RAPGEF2: variants seen among roughly 807,000 people sequenced by gnomAD.
RAPGEF2 encodes PDZ domain containing guanine nucleotide exchange factor (GEF) 1.
In RAPGEF2, 54 loss-of-function variants were observed where a neutral mutation model predicts 186.7. The observed-to-expected ratio is 0.29, with a 90% CI of 0.23 to 0.36. RAPGEF2 has a LOEUF of 0.36. RAPGEF2 is among the 10% of genes least tolerant of loss of function. RAPGEF2 has a pLI of 1.00. For synonymous variants in RAPGEF2, 712 were observed against 705.9 expected, an observed-to-expected ratio of 1.01 and a Z score of -0.14; for missense variants, 1,532 against 2,045.0, an observed-to-expected ratio of 0.75 and a Z score of 4.84.
chr4:159,336,958 C>T (rs930026685), intron 17 of RAPGEF2, among the ~76,000 whole-genome samples: 6 of 152,066 alleles, frequency 3.9e-5, no homozygotes, highest in African/African-American at 1.2e-4. Context: ...TTCTTGCGAC[C>T]CCAGTTATTT....
intron 19 of RAPGEF2, among the ~76,000 whole-genome samples, chr4:159,340,627 C>G (rs183042338): frequency 8.8e-5 from 13 of 147,654 alleles, no homozygotes; most frequent in Admixed American, 3.4e-4. Flanking sequence ...AAGCATGTGT[C>G]TAAAAAACAA....
chr4:159,304,609 T>C (rs995718585), intron 8 of RAPGEF2, 136 bp downstream of exon 8: 1 of 784,576 alleles, frequency 1.3e-6, no homozygotes, highest in East Asian at 3.1e-5. Flanking sequence ...AATATTAATG[T>C]TTATTTCGTA....
At chr4:159,304,153 A>G (rs1405549271) in intron 7 of RAPGEF2, among the ~76,000 whole-genome samples, 189 bp from the exon 8 acceptor site, 2 of 152,196 alleles carry the variant, frequency 1.3e-5, no homozygotes, top group East Asian at 1.9e-4. Context: ...ATGTGTGCTC[A>G]TACACTTTAA....
intron 1 of RAPGEF2, among the ~76,000 whole-genome samples, chr4:159,183,162 A>G (rs1463733813): frequency 6.6e-6 from 1 of 152,246 alleles, no homozygotes; most frequent in African/African-American, 2.4e-5. Flanking sequence ...CACAATTCAC[A>G]GTTTCAAAAC....
chr4:159,353,336 C>A lies in RAPGEF2; in HGVS notation c.4092-151C>A. On this transcript the variant is annotated intron_variant, in intron 27 of 29. Coordinates refer to ENST00000691494, the MANE Select transcript of RAPGEF2 (RefSeq NM_001394067.2). This position sits in a 1 kb window ranked among gnomAD's most constrained non-coding sequence, Gnocchi z 4.3. The stretch of plus-strand genomic sequence containing the variant: ...AGAAGGCTAGACATGGCAGAACTGG[C>A]CAATATAAGGCAATTCAGTGCTACT... 1 of 550,494 alleles carries A rather than the reference C, an allele frequency of 1.8e-6. No individual in the cohort carries two copies. The highest frequency in any genetic ancestry group is 2.9e-6 in the Non-Finnish European group (1 of 344,586). The allele number at this position is 550,494 out of a possible 1,614,324, so 34.1% of individuals were successfully genotyped here.
chr4:159,192,054 G>GA (rs1579421763), intron 2 of RAPGEF2, among the ~76,000 whole-genome samples: 1 of 152,148 alleles, frequency 6.6e-6, no homozygotes, highest in Non-Finnish European at 1.5e-5. Flanking sequence ...ATTCCAACAG[G>GA]AAACAAGGCA....
chr4:159,302,598 T>A (rs1331413987), intron 7 of RAPGEF2, among the ~76,000 whole-genome samples: 1 of 152,164 alleles, frequency 6.6e-6, no homozygotes, highest in East Asian at 1.9e-4. Context: ...TGTGTAAAAT[T>A]ATAGTCATTA....
chr4:159,206,614 T>A (rs1015966748), intron 3 of RAPGEF2, among the ~76,000 whole-genome samples: 6 of 152,108 alleles, frequency 3.9e-5, no homozygotes, highest in African/African-American at 1.4e-4. Context: ...AGCTGCACTG[T>A]GGAAAGGAAG....
chr4:159,336,830 C>T (rs1481015933), intron 17 of RAPGEF2, among the ~76,000 whole-genome samples: 1 of 152,066 alleles, frequency 6.6e-6, no homozygotes, highest in Non-Finnish European at 1.5e-5. Flanking sequence ...TGTGAAAAGA[C>T]TAATAAATGC....
chr4:159,207,705 T>C (rs6828649), intron 3 of RAPGEF2, among the ~76,000 whole-genome samples: 73,177 of 152,058 alleles, frequency 0.48, 19,293 homozygotes, highest in African/African-American at 0.71. Context: ...TTCCTTGGGC[T>C]AACGTTTTTT....
At chr4:159,343,541 C>T (rs1214684780) in intron 22 of RAPGEF2, 137 bp downstream of exon 22, 5 of 1,115,576 alleles carry the variant, frequency 4.5e-6, no homozygotes, top group Non-Finnish European at 6.3e-6. Flanking sequence ...TGCTGAGAAT[C>T]ACCTGTGAGC....
intron 11 of RAPGEF2, among the ~76,000 whole-genome samples, chr4:159,325,686 T>C (rs1445429310): frequency 2.6e-5 from 4 of 152,238 alleles, no homozygotes; most frequent in Admixed American, 6.5e-5. Flanking sequence ...AGTATGAGAC[T>C]GAAATGATAT....
At chr4:159,351,694 G>C (rs184890420) in intron 26 of RAPGEF2, among the ~76,000 whole-genome samples, 1 of 152,158 alleles carries the variant, frequency 6.6e-6, no homozygotes, top group African/African-American at 2.4e-5. Context: ...TGTAATCCCA[G>C]CACTTTGGGA....
intron 20 of RAPGEF2, 44 bp from the exon 21 acceptor site, chr4:159,342,935 A>C: frequency 6.6e-7 from 1 of 1,522,248 alleles, no homozygotes; most frequent in Non-Finnish European, 9.1e-7. Flanking sequence ...TCTGTACACT[A>C]TTTTACTTTA....
intron 1 of RAPGEF2, among the ~76,000 whole-genome samples, chr4:159,142,434 T>G (rs1325775718): frequency 6.6e-6 from 1 of 151,934 alleles, no homozygotes; most frequent in Admixed American, 6.6e-5. Flanking sequence ...AATATTTCAT[T>G]TCTATGTCTA....
intron 8 of RAPGEF2, among the ~76,000 whole-genome samples, chr4:159,312,918 T>G (rs923123169): frequency 5.3e-5 from 8 of 152,190 alleles, no homozygotes; most frequent in East Asian, 3.9e-4. Flanking sequence ...TAGGCTGAGG[T>G]GGGCAGATCA....
Position 159,288,431 on chromosome 4 carries a change from G to T in RAPGEF2, c.544-15911G>T, listed in dbSNP as rs1430777341. On this transcript the variant is annotated intron_variant, in intron 7 of 29. Transcript: ENST00000691494. ...AGAGGCTTCTCTAAAGTACCTTCAG[G>T]TTAGGTTTTGAAAGGCGATTTTTAA... Among the ~76,000 whole-genome samples the T allele has an allele frequency of 2.0e-5, 3 of 152,142 alleles. No individual in the cohort carries two copies. In the East Asian group the frequency reaches 5.8e-4, roughly 29 times the overall value.
At chr4:159,129,804 G>C (rs1579260214) in intron 1 of RAPGEF2, among the ~76,000 whole-genome samples, 2 of 152,274 alleles carry the variant, frequency 1.3e-5, no homozygotes, top group African/African-American at 4.8e-5. Context: ...AGGGTTCTTG[G>C]ATCTTGGGCA....
intron 7 of RAPGEF2, among the ~76,000 whole-genome samples, chr4:159,303,622 T>TA (rs1426601375): frequency 6.6e-6 from 1 of 151,120 alleles, no homozygotes; most frequent in Non-Finnish European, 1.5e-5. Context: ...GCTCGGTAAA[T>TA]ATTTGTCAAA....
Sources: gnomAD v4.1 joint callset for allele counts (sites outside exome capture counted in the v4.1 genomes callset) on GRCh38, gnomAD v4.1.1 for gene constraint, Gnocchi (gnomAD v3.1) non-coding constraint, MANE v1.5 for transcripts, NCBI Gene and HGNC (gene_info 2026-07-23, HGNC 2026-07-21) for gene names.